The following NRXN3 variants were observed in gnomAD, a reference collection of about 807,000 sequenced individuals.
NRXN3 encodes neurexin III.
NRXN3 carries 32 observed loss-of-function variants against 137.6 expected under a neutral mutation model. That is an observed-to-expected ratio of 0.23 (90% CI 0.18 to 0.31). The LOEUF is 0.31. NRXN3 is among the 10% of genes least tolerant of loss of function. The pLI is 1.00. For missense variants in NRXN3, 1,574 were observed against 2,062.5 expected (o/e 0.76, Z 4.59); for synonymous variants, 798 against 784.5 (o/e 1.02, Z -0.29).
At chr14:78,331,520 A>G (rs1359399290) in intron 4 of NRXN3, among the ~76,000 whole-genome samples, 2 of 152,212 alleles carry the variant, frequency 1.3e-5, no homozygotes, top group Admixed American at 1.3e-4. Context: ...GGTAGCTCCA[A>G]TCTCAGCAAC....
intron 16 of NRXN3, among the ~76,000 whole-genome samples, chr14:79,505,391 A>C (rs745518296): frequency 4.6e-5 from 7 of 151,928 alleles, no homozygotes; most frequent in Non-Finnish European, 7.3e-5. Flanking sequence ...CATCTTCAGC[A>C]TGTCTTCCAA....
rs867481982 is a variant in NRXN3 at position 79,142,983 on chromosome 14, G to C, written c.3262+154842G>C. On this transcript the variant is annotated intron_variant, in intron 15 of 20. Transcript: ENST00000335750. ...AAGCTCCTCTTCTCAATAAAGATTA[G>C]ATTTAATTACGAAAATATCATCTAT... Among the ~76,000 whole-genome samples the C allele has an allele frequency of 4.6e-5, 7 of 152,272 alleles. 1 individual carries two copies. In the Middle Eastern group the frequency reaches 0.01, roughly 222 times the overall value.
At chr14:78,669,176 AATAG>A (rs2152707283) in intron 6 of NRXN3, among the ~76,000 whole-genome samples, 1 of 152,334 alleles carries the variant, frequency 6.6e-6, no homozygotes, top group South Asian at 2.1e-4. Context: ...ATAGAGAGAG[AATAG>A]CGTCAGTAAA....
intron 4 of NRXN3, among the ~76,000 whole-genome samples, chr14:78,415,007 A>G (rs1477806992): frequency 2.0e-5 from 3 of 152,180 alleles, no homozygotes; most frequent in Non-Finnish European, 4.4e-5. Flanking sequence ...TTTAATAAGC[A>G]TGTAATTTAG....
intron 3 of NRXN3, among the ~76,000 whole-genome samples, chr14:78,295,611 C>G (rs146524964): frequency 6.6e-6 from 1 of 152,178 alleles, no homozygotes; most frequent in African/African-American, 2.4e-5. Flanking sequence ...TCTCAAGTTC[C>G]AGTAAGCATG....
At chr14:79,673,984 G>T (rs887457552) in intron 17 of NRXN3, among the ~76,000 whole-genome samples, 1 of 152,008 alleles carries the variant, frequency 6.6e-6, no homozygotes, top group Non-Finnish European at 1.5e-5. Context: ...CAAAGCTCCC[G>T]TACGCTGCCC....
chr14:79,258,025 C>T (rs2077036048), intron 15 of NRXN3, among the ~76,000 whole-genome samples: 1 of 152,030 alleles, frequency 6.6e-6, no homozygotes, highest in Non-Finnish European at 1.5e-5. Context: ...TCCTACAAGA[C>T]ATAATGAATT....
intron 4 of NRXN3, among the ~76,000 whole-genome samples, chr14:78,532,178 G>A (rs964022548): frequency 2.1e-5 from 3 of 146,298 alleles, no homozygotes; most frequent in Admixed American, 6.8e-5. Context: ...AGCCAAGTGC[G>A]CGCGTGGTGG....
At chr14:78,297,976 G>T in intron 4 of NRXN3, 116 bp downstream of exon 4, 1 of 1,207,164 alleles carries the variant, frequency 8.3e-7, no homozygotes, top group Non-Finnish European at 1.2e-6. Context: ...TCCTTCCTGC[G>T]CTGGGCCAGG....
intron 15 of NRXN3, among the ~76,000 whole-genome samples, chr14:79,416,894 G>C (rs941550650): frequency 1.3e-5 from 2 of 152,094 alleles, no homozygotes; most frequent in South Asian, 2.1e-4. Context: ...CAGAAATATG[G>C]TTAGCCATTT....
chr14:79,438,978 A>G (rs952086907), intron 15 of NRXN3, among the ~76,000 whole-genome samples: 5 of 152,268 alleles, frequency 3.3e-5, no homozygotes, highest in African/African-American at 1.2e-4. Flanking sequence ...GGCATGGGCC[A>G]TGCACCATAC....
chr14:79,680,571 C>T (rs1436364331), intron 17 of NRXN3, among the ~76,000 whole-genome samples: 2 of 151,710 alleles, frequency 1.3e-5, no homozygotes, highest in African/African-American at 2.4e-5. Context: ...TCTAAGTATA[C>T]GTAAGTGTAT....
At chr14:79,105,160 A>C (rs2052152429) in intron 15 of NRXN3, among the ~76,000 whole-genome samples, 1 of 152,178 alleles carries the variant, frequency 6.6e-6, no homozygotes, top group East Asian at 1.9e-4. Context: ...CTGGATGAAA[A>C]GAATGACTTG....
chr14:79,712,325 A>T (rs1164553100), intron 19 of NRXN3, among the ~76,000 whole-genome samples: 1 of 152,150 alleles, frequency 6.6e-6, no homozygotes, highest in African/African-American at 2.4e-5. Flanking sequence ...CTGCCCTACA[A>T]CCCACACACA....
chr14:78,919,523 C>T (rs2099265390), intron 10 of NRXN3, among the ~76,000 whole-genome samples: 1 of 152,042 alleles, frequency 6.6e-6, no homozygotes, highest in South Asian at 2.1e-4. Context: ...TAAAACAACC[C>T]CTATGAATTT....
intron 9 of NRXN3, among the ~76,000 whole-genome samples, chr14:78,805,172 T>C (rs966611476): frequency 7.9e-5 from 12 of 152,168 alleles, no homozygotes; most frequent in African/African-American, 1.2e-4. Flanking sequence ...GTCTTTTTTT[T>C]TTCTTCTAGT....
intron 20 of NRXN3, among the ~76,000 whole-genome samples, chr14:79,844,749 A>G (rs9888612): frequency 0.76 from 115,949 of 152,130 alleles, 44,504 homozygotes; most frequent in East Asian, 0.91. Context: ...TAAGAACCCT[A>G]GGAATTTTGA....
chr14:78,625,381 A>C (rs1010409005), intron 4 of NRXN3, among the ~76,000 whole-genome samples: 3 of 152,224 alleles, frequency 2.0e-5, no homozygotes, highest in Non-Finnish European at 4.4e-5. Context: ...AACCAACACT[A>C]TGCTTTTGCA....
At chr14:78,660,661 G>A (rs1415840987) in intron 6 of NRXN3, among the ~76,000 whole-genome samples, 1 of 152,078 alleles carries the variant, frequency 6.6e-6, no homozygotes, top group East Asian at 1.9e-4. Context: ...CCAAAAGATG[G>A]GAAGAAACTA....
Sources: gnomAD v4.1 joint callset for allele counts (sites outside exome capture counted in the v4.1 genomes callset) on GRCh38, gnomAD v4.1.1 for gene constraint, MANE v1.5 for transcripts, NCBI Gene and HGNC (gene_info 2026-07-23, HGNC 2026-07-21) for gene names.